DOCK4: variants seen among roughly 807,000 people sequenced by gnomAD.
The protein encoded by DOCK4 is dedicator of cytokinesis 4, also known as dedicator of cytokinesis protein 4.
A neutral mutation model predicts 268.1 loss-of-function variants in DOCK4; 97 were observed. The ratio of observed to expected loss-of-function variants is 0.36; its 90% CI spans 0.31 to 0.43. The LOEUF (loss-of-function observed/expected upper bound fraction) is 0.43, where lower values mean the gene tolerates loss of function less well. Ranked by LOEUF, DOCK4 falls within the 20% of genes least tolerant of loss-of-function variation. The pLI is 1.00. For missense variants in DOCK4, 2,145 were observed against 2,455.7 expected, an observed-to-expected ratio of 0.87 and a Z score of 2.67; for synonymous variants, 954 against 887.2, an observed-to-expected ratio of 1.08 and a Z score of -1.34.
At chr7:111,890,037 C>T (rs939098342) in intron 16 of DOCK4, among the ~76,000 whole-genome samples, 10 of 152,196 alleles carry the variant, frequency 6.6e-5, no homozygotes, top group Middle Eastern at 3.4e-3. Flanking sequence ...AGGGTGTTTC[C>T]GAATGTACTT....
intron 1 of DOCK4, among the ~76,000 whole-genome samples, chr7:112,067,845 C>T (rs924868170): frequency 1.3e-5 from 2 of 152,212 alleles, no homozygotes; most frequent in African/African-American, 4.8e-5. Context: ...CAGCAGACAT[C>T]TATCAGCACA....
intron 21 of DOCK4, 108 bp from the exon 22 acceptor site, chr7:111,868,262 CATGTAGACACCA>C (rs1393121522): frequency 1.2e-6 from 1 of 828,430 alleles, no homozygotes; most frequent in African/African-American, 1.7e-5. Context: ...TTACATTATT[CATGTAGACACCA>C]AGGCCTTGTG....
intron 1 of DOCK4, among the ~76,000 whole-genome samples, chr7:112,162,627 G>A (rs1817237426): frequency 6.6e-6 from 1 of 151,674 alleles, no homozygotes; most frequent in African/African-American, 2.4e-5. Context: ...AAAAGCAACG[G>A]AGTCCTAAGA....
chr7:111,981,974 AAATAAAATAT>A (rs1168750779), intron 7 of DOCK4, among the ~76,000 whole-genome samples: 8 of 152,228 alleles, frequency 5.3e-5, no homozygotes, highest in Non-Finnish European at 1.0e-4. Flanking sequence ...AAACTCAGGA[AAATAAAATAT>A]ATTTGTGTCA....
rs372687847 is a variant in DOCK4, at chr7:111,767,135, G to A, written c.3829-17C>T. 1.9e-6 allele frequency: 3 copies of A among 1,600,546 alleles called. No individual in the cohort carries two copies. The African/African-American group carries it at 4.0e-5, about 21-fold the overall frequency. On this transcript the variant is annotated splice_polypyrimidine_tract_variant and intron_variant, in intron 37 of 52. Transcript: ENST00000428084. ...CTCCCAACACTGTGGACAAATGAAT[G>A]AGATCAATGGAACCATCTGACAATA...
In DOCK4 at chr7:111,739,166, C is replaced by T; in HGVS notation, c.5200G>A (p.Ala1734Thr). 6.2e-7 allele frequency: 1 copy of T among 1,613,980 alleles called. No individual in the cohort carries two copies. Among genetic ancestry groups the T allele is most frequent in the Non-Finnish European group, 8.5e-7 (1 of 1,179,876 alleles). Reference sequence around the variant, plus strand: ...GGCTCCACAGGTGTTGGATAGATGGCACTGCATGGTCTCTCTCTTGGTGAC... The same window carrying T: ...GGCTCCACAGGTGTTGGATAGATGGTACTGCATGGTCTCTCTCTTGGTGAC... Reference protein sequence around the residue: ...CLSPRERPCSAIYPTPVEPSQ... With the variant: ...CLSPRERPCSTIYPTPVEPSQ... The change falls in exon 49 of 53, where the codon GCC (alanine) becomes ACC (threonine). Residue 1734 changes from alanine to threonine, a missense_variant. Physicochemically the swap from Ala to Thr is moderately conservative, Grantham distance 58 (BLOSUM62 0). This residue lies in a region of DOCK4 where 547 missense variants were observed against 469.0 expected (regional missense o/e 1.17). Coordinates refer to ENST00000428084, the MANE Select transcript of DOCK4 (RefSeq NM_001363540.2).
chr7:111,930,208 T>C (rs1319377555), intron 12 of DOCK4, among the ~76,000 whole-genome samples: 1 of 152,216 alleles, frequency 6.6e-6, no homozygotes, highest in Non-Finnish European at 1.5e-5. Flanking sequence ...ACTGTGAAGA[T>C]ATAGTAATTC....
intron 42 of DOCK4, 110 bp downstream of exon 42, chr7:111,755,405 A>G (rs1343879540): frequency 6.0e-6 from 6 of 993,102 alleles, no homozygotes; most frequent in Non-Finnish European, 9.3e-6. Context: ...CTATTTTACT[A>G]TGAGTGCTTC....
At chr7:112,156,466 T>C (rs1387062908) in intron 1 of DOCK4, among the ~76,000 whole-genome samples, 3 of 152,218 alleles carry the variant, frequency 2.0e-5, no homozygotes, top group African/African-American at 7.2e-5. Flanking sequence ...GTTTAAATAT[T>C]TGGTTAATCA....
At chr7:112,145,810 AG>A (rs1815424238) in intron 1 of DOCK4, among the ~76,000 whole-genome samples, 1 of 138,626 alleles carries the variant, frequency 7.2e-6, no homozygotes, top group Non-Finnish European at 1.6e-5. Flanking sequence ...CACAGAACTT[AG>A]TTACTTGGAA....
At chr7:111,761,062 CTTTT>C (rs34238929) in intron 39 of DOCK4, among the ~76,000 whole-genome samples, 32 of 141,020 alleles carry the variant, frequency 2.3e-4, no homozygotes, top group Middle Eastern at 3.8e-3. Flanking sequence ...GGCTTAAAGT[CTTTT>C]TTTTTTTTTT....
At chr7:112,110,403 A>G (rs1217109510) in intron 1 of DOCK4, among the ~76,000 whole-genome samples, 3 of 152,202 alleles carry the variant, frequency 2.0e-5, no homozygotes, top group Non-Finnish European at 2.9e-5. Context: ...GTGTCCATCC[A>G]TCTTAGAGCC....
At chr7:112,206,051 C>T in intron 1 of DOCK4, 51 bp downstream of exon 1, 1 of 1,547,516 alleles carries the variant, frequency 6.5e-7, no homozygotes, top group Non-Finnish European at 8.8e-7. Flanking sequence ...ACGAGAAATG[C>T]GCACTCGCTC....
chr7:112,198,251 C>G (rs534922948), intron 1 of DOCK4, among the ~76,000 whole-genome samples: 1 of 152,158 alleles, frequency 6.6e-6, no homozygotes, highest in East Asian at 1.9e-4. Flanking sequence ...CCCCTTCCCC[C>G]TACCCACGTG....
Position 111,742,136 on chromosome 7 carries a change from A to G in DOCK4, c.4678-4T>C. On this transcript the variant is annotated splice_polypyrimidine_tract_variant and splice_region_variant and intron_variant, in intron 44 of 52. Coordinates refer to ENST00000428084, the MANE Select transcript of DOCK4 (RefSeq NM_001363540.2). ...AACCAAATTCCAGAATCTGTGCCTT[A>G]ATTCACAACATAAGGAAAAAACCTC... is the stretch of plus-strand genomic sequence containing the variant. 13 of 1,586,082 alleles carry G rather than the reference A, an allele frequency of 8.2e-6. No individual in the cohort carries two copies. The highest frequency in any genetic ancestry group is 1.1e-5 in the Non-Finnish European group (13 of 1,168,622).
intron 2 of DOCK4, among the ~76,000 whole-genome samples, chr7:112,001,737 G>A (rs995330692): frequency 3.2e-4 from 49 of 152,166 alleles, no homozygotes; most frequent in Admixed American, 2.9e-3. Flanking sequence ...TGTCAACTGT[G>A]GCTAGTTTAT....
chr7:111,758,875 G>A, intron 40 of DOCK4, 85 bp from the exon 41 acceptor site: 2 of 1,239,454 alleles, frequency 1.6e-6, no homozygotes, highest in Non-Finnish European at 1.1e-6. Context: ...AGAGAGAAGA[G>A]GATGGGTAAC....
Position 111,888,628 on chromosome 7 carries a change from A to T in DOCK4, c.1587+6984T>A, listed in dbSNP as rs1808040934. ...GAGTTGAAGTGGCCAAGAAAACAAG[A>T]GGACAGGAAGTTGGACAGTCAACCA... is the stretch of plus-strand genomic sequence containing the variant. On this transcript the variant is annotated intron_variant, in intron 16 of 52. Coordinates refer to ENST00000428084, the MANE Select transcript of DOCK4 (RefSeq NM_001363540.2). Among the ~76,000 whole-genome samples the T allele has an allele frequency of 2.0e-5, 3 of 152,032 alleles. 1 individual carries two copies. The highest frequency in any genetic ancestry group is 2.0e-4 in the Admixed American group (3 of 15,258).
At chr7:112,055,864 T>C (rs945534309) in intron 1 of DOCK4, among the ~76,000 whole-genome samples, 1 of 150,580 alleles carries the variant, frequency 6.6e-6, no homozygotes. Flanking sequence ...GCCAAGATTA[T>C]GCCACTGCAC....
Sources: allele counts gnomAD v4.1 joint callset (sites outside exome capture counted in the v4.1 genomes callset), GRCh38; gene constraint gnomAD v4.1.1; regional missense constraint gnomAD v4.1.1; transcripts MANE v1.5; gene names NCBI Gene and HGNC (gene_info 2026-07-23, HGNC 2026-07-21).